The following CTNND2 variants were observed in gnomAD, a reference collection of about 807,000 sequenced individuals.
CTNND2 encodes the protein catenin delta 2, also known as catenin delta-2.
In CTNND2, 22 loss-of-function variants were observed where a neutral mutation model predicts 144.4. The observed-to-expected ratio is 0.15, with a 90% confidence interval of 0.11 to 0.22. The LOEUF (loss-of-function observed/expected upper bound fraction) is 0.22. Ranked by LOEUF, CTNND2 falls within the 10% of genes least tolerant of loss-of-function variation. The pLI is 1.00. For synonymous variants in CTNND2, 751 were observed against 695.6 expected, an observed-to-expected ratio of 1.08 and a Z score of -1.25; for missense variants, 1,353 against 1,618.8, an observed-to-expected ratio of 0.84 and a Z score of 2.82.
chr5:11,150,509 T>C (rs1424982079), intron 12 of CTNND2, among the ~76,000 whole-genome samples: 1 of 151,838 alleles, frequency 6.6e-6, no homozygotes, highest in Non-Finnish European at 1.5e-5. Flanking sequence ...AAAAAGAGGA[T>C]GTGGGGCCAG....
intron 9 of CTNND2, among the ~76,000 whole-genome samples, chr5:11,302,818 T>C (rs1400906727): frequency 6.6e-6 from 1 of 152,162 alleles, no homozygotes; most frequent in Non-Finnish European, 1.5e-5. Flanking sequence ...ATATGCCACT[T>C]TGGTTATGAG....
intron 1 of CTNND2, among the ~76,000 whole-genome samples, chr5:11,876,147 T>C (rs1048825277): frequency 6.6e-6 from 1 of 151,784 alleles, no homozygotes. Context: ...CCTTAGAATA[T>C]GGGCAGAATC....
At chr5:11,760,843 A>G (rs1789220291) in intron 1 of CTNND2, among the ~76,000 whole-genome samples, 1 of 152,098 alleles carries the variant, frequency 6.6e-6, no homozygotes, top group Non-Finnish European at 1.5e-5. Flanking sequence ...TCTTAACTCA[A>G]TCTCTTGATT....
intron 1 of CTNND2, among the ~76,000 whole-genome samples, chr5:11,844,534 T>C (rs1794643121): frequency 6.6e-6 from 1 of 152,170 alleles, no homozygotes; most frequent in African/African-American, 2.4e-5. Context: ...CATTCCATTC[T>C]GAAAATTGGA....
At chr5:11,884,612 A>G (rs566286937) in intron 1 of CTNND2, among the ~76,000 whole-genome samples, 1 of 152,196 alleles carries the variant, frequency 6.6e-6, no homozygotes, top group African/African-American at 2.4e-5. Context: ...CCAACAGTGG[A>G]TAATACGACT....
chr5:11,667,225 A>G (rs984254801), intron 2 of CTNND2, among the ~76,000 whole-genome samples: 2 of 152,196 alleles, frequency 1.3e-5, no homozygotes, highest in Non-Finnish European at 2.9e-5. Flanking sequence ...CGCAATAAAC[A>G]TACGTGTGTG....
In CTNND2 at chr5:11,500,496, T is replaced by C. The variant is rs16901684; in HGVS notation, c.287+64448A>G. ...CACTGTCATGGATGATGTTGACTTCTAGCCAATTTTGTGCTTATCTGATAT... is the reference window on the plus strand; with the variant it reads ...CACTGTCATGGATGATGTTGACTTCCAGCCAATTTTGTGCTTATCTGATAT... On this transcript the variant is annotated intron_variant, in intron 3 of 21. Transcript: ENST00000304623. Among the ~76,000 whole-genome samples, 1,552 of 152,352 alleles carry C rather than the reference T, an allele frequency of 0.01. 110 individuals are homozygous for C. The East Asian group carries it at 0.18, about 18-fold the overall frequency.
intron 2 of CTNND2, among the ~76,000 whole-genome samples, chr5:11,583,139 G>C: frequency 6.6e-6 from 1 of 152,214 alleles, no homozygotes. Context: ...GATGGGCGTA[G>C]CCTCTATGCA....
chr5:11,573,365 T>C (rs1777728875), intron 2 of CTNND2, among the ~76,000 whole-genome samples: 1 of 152,146 alleles, frequency 6.6e-6, no homozygotes. Flanking sequence ...GGGTGATCTT[T>C]TTTCTTACAT....
intron 9 of CTNND2, among the ~76,000 whole-genome samples, chr5:11,240,153 C>T (rs187973750): frequency 2.0e-4 from 28 of 142,788 alleles, no homozygotes; most frequent in African/African-American, 6.1e-4. Context: ...CACACACACA[C>T]ATTCACACAC....
In CTNND2 at chr5:11,536,329, G is replaced by T. The variant is rs545528388; in HGVS notation, c.287+28615C>A. On this transcript the variant is annotated intron_variant, in intron 3 of 21. Coordinates refer to ENST00000304623, the MANE Select transcript of CTNND2 (RefSeq NM_001332.4). ...TCCTCCTACCTAGGCCTCCCAAATT[G>T]CTGGGATTACAGGTGTGAGCCACTG... is the stretch of plus-strand genomic sequence containing the variant. 1.4e-4 allele frequency among the ~76,000 whole-genome samples: 22 copies of T among 152,262 alleles called. No individual in the cohort carries two copies. The East Asian group carries it at 4.3e-3, about 29-fold the overall frequency.
At position 11,623,808 on chromosome 5, in the gene CTNND2, GTATATATATATATATATATA is replaced by G. The variant is rs58954001; in HGVS notation, c.175-58772_175-58753del. ...ATCGTAAATATATATATGTGTGTAT[GTATATATATATATATATATA>G]TATATATATATATATATATATATAT... On this transcript the variant is annotated intron_variant, in intron 2 of 21. Coordinates refer to ENST00000304623, the MANE Select transcript of CTNND2 (RefSeq NM_001332.4). Among the ~76,000 whole-genome samples, 383 of 40,738 alleles carry G rather than the reference GTATATATATATATATATATA, an allele frequency of 9.4e-3. 2 individuals are homozygous for G. Among genetic ancestry groups the G allele is most frequent in the South Asian group, 0.012 (11 of 908 alleles). 26.7% of individuals were successfully genotyped at this position (40,738 alleles called of 152,430 possible).
chr5:11,127,316 T>A (rs1435489736), intron 12 of CTNND2, among the ~76,000 whole-genome samples: 2 of 152,198 alleles, frequency 1.3e-5, no homozygotes, highest in Non-Finnish European at 2.9e-5. Flanking sequence ...TCCTGGGCCA[T>A]CCCTCACCAG....
intron 7 of CTNND2, among the ~76,000 whole-genome samples, chr5:11,367,970 T>C (rs747563577): frequency 1.3e-5 from 2 of 152,164 alleles, no homozygotes; most frequent in Non-Finnish European, 2.9e-5. Flanking sequence ...AATTTTATAA[T>C]AGGGTTTTGC....
At chr5:11,231,138 C>T (rs538345029) in intron 10 of CTNND2, among the ~76,000 whole-genome samples, 6 of 152,154 alleles carry the variant, frequency 3.9e-5, no homozygotes, top group Non-Finnish European at 8.8e-5. Context: ...TACATTCTTT[C>T]TCCTGCCCCC....
chr5:11,033,742 ATC>A (rs1214757867), intron 16 of CTNND2, among the ~76,000 whole-genome samples: 1 of 152,158 alleles, frequency 6.6e-6, no homozygotes, highest in Non-Finnish European at 1.5e-5. Flanking sequence ...AGGCAGGAGA[ATC>A]GCTTGAACCT....
chr5:11,834,449 G>GT (rs1419502742), intron 1 of CTNND2, among the ~76,000 whole-genome samples: 2 of 152,088 alleles, frequency 1.3e-5, no homozygotes, highest in Admixed American at 1.3e-4. Context: ...CCAAAAAATG[G>GT]TAAGTATGTG....
At chr5:10,992,702 T>C in intron 18 of CTNND2, 25 bp from the exon 19 acceptor site, 1 of 1,611,822 alleles carries the variant, frequency 6.2e-7, no homozygotes, top group Non-Finnish European at 8.5e-7. Context: ...ACGCTCCTGT[T>C]AGATGGGCAA....
At chr5:11,824,442 G>A (rs1793497338) in intron 1 of CTNND2, among the ~76,000 whole-genome samples, 1 of 152,160 alleles carries the variant, frequency 6.6e-6, no homozygotes, top group South Asian at 2.1e-4. Context: ...CCCTTCAGGA[G>A]GGAGATGGGG....
Sources: gnomAD v4.1 joint callset for allele counts (sites outside exome capture counted in the v4.1 genomes callset) on GRCh38, gnomAD v4.1.1 for gene constraint, MANE v1.5 for transcripts, NCBI Gene and HGNC (gene_info 2026-07-23, HGNC 2026-07-21) for gene names.